PDE11A: variants seen among roughly 807,000 people sequenced by gnomAD.
PDE11A encodes the protein phosphodiesterase 11A.
In PDE11A, 100 loss-of-function variants were observed where a neutral mutation model predicts 100.5. The ratio of observed to expected loss-of-function variants is 1.00; its 90% CI spans 0.85 to 1.18. PDE11A has a LOEUF of 1.18. Ranked by LOEUF, PDE11A falls within the 50% of genes most tolerant of loss-of-function variation. The pLI is 0.00. For missense variants in PDE11A, 1,141 were observed against 1,152.6 expected (o/e 0.99, Z 0.15); for synonymous variants, 381 against 420.8 (o/e 0.91, Z 1.16).
chr2:177,712,604 G>A (rs1191062296), intron 12 of PDE11A, among the ~76,000 whole-genome samples: 1 of 152,152 alleles, frequency 6.6e-6, no homozygotes, highest in Non-Finnish European at 1.5e-5. Flanking sequence ...CTGGTGAAAT[G>A]CACAGCTGTG....
At chr2:177,738,739 A>G (rs1323413334) in intron 10 of PDE11A, among the ~76,000 whole-genome samples, 1 of 152,182 alleles carries the variant, frequency 6.6e-6, no homozygotes, top group Admixed American at 6.5e-5. Context: ...TCCTTCTTCC[A>G]TATTCCATGG....
intron 1 of PDE11A, among the ~76,000 whole-genome samples, chr2:178,053,644 C>CT (rs1197339719): frequency 1.3e-5 from 2 of 151,978 alleles, no homozygotes; most frequent in African/African-American, 4.9e-5. Context: ...TCTCCTTAAG[C>CT]TGATAAGCAA....
At chr2:178,054,175 A>T (rs889412167) in intron 1 of PDE11A, among the ~76,000 whole-genome samples, 2 of 152,206 alleles carry the variant, frequency 1.3e-5, no homozygotes, top group African/African-American at 4.8e-5. Context: ...AACAGAACAG[A>T]GCCCTCAGAA....
chr2:177,743,683 A>G (rs77704018), intron 10 of PDE11A, among the ~76,000 whole-genome samples: 3,816 of 152,328 alleles, frequency 0.025, 69 homozygotes, highest in Middle Eastern at 0.1. Context: ...TCACACCCTT[A>G]TAAGGCTTAG....
intron 15 of PDE11A, among the ~76,000 whole-genome samples, chr2:177,685,052 A>T (rs2080923109): frequency 1.3e-5 from 2 of 152,292 alleles, no homozygotes; most frequent in Admixed American, 1.3e-4. Context: ...AAATCGCTAG[A>T]ATTAAGCTTC....
intron 1 of PDE11A, among the ~76,000 whole-genome samples, chr2:178,060,587 C>T (rs1029113831): frequency 3.9e-5 from 6 of 152,128 alleles, no homozygotes; most frequent in African/African-American, 1.4e-4. Flanking sequence ...AAATATGGCA[C>T]AGCCCTTGGA....
chr2:178,010,807 C>T (rs189554892), intron 2 of PDE11A, among the ~76,000 whole-genome samples: 21 of 152,232 alleles, frequency 1.4e-4, no homozygotes, highest in Middle Eastern at 3.4e-3. Context: ...ACGTAGAATG[C>T]AAATTAGTAC....
Position 177,817,721 on chromosome 2 carries a change from T to C in PDE11A, c.1644+137A>G, listed in dbSNP as rs866564714. On this transcript the variant is annotated intron_variant, in intron 8 of 19. Transcript: ENST00000286063. ...CTCACTTAAGCATTTACATATTCCT[T>C]AAATCTTCCTGTTAATTTTGCCCTC... The C allele has an allele frequency of 1.4e-5, 9 of 634,174 alleles. No individual in the cohort carries two copies. The Middle Eastern group carries it at 1.7e-3, about 121-fold the overall frequency. 39.3% of individuals were successfully genotyped at this position (634,174 alleles called of 1,614,324 possible). A position where few individuals can be genotyped will look rare whatever the true frequency, so the allele number is the denominator to read the frequency against.
At chr2:177,875,447 G>A (rs925148476) in intron 5 of PDE11A, among the ~76,000 whole-genome samples, 21 of 151,324 alleles carry the variant, frequency 1.4e-4, no homozygotes, top group Admixed American at 1.3e-3. Flanking sequence ...GCACAATCTC[G>A]GCTCACTGCA....
chr2:177,945,838 C>T (rs1209184033), intron 2 of PDE11A, among the ~76,000 whole-genome samples: 2,797 of 89,006 alleles, frequency 0.031, no homozygotes, highest in Admixed American at 0.047. Flanking sequence ...GGGGGGTCAG[C>T]CCCCCGCCTG....
Position 177,853,660 on chromosome 2 carries a change from A to ATG in PDE11A, c.1368-13278_1368-13277insCA. 6.5e-5 allele frequency among the ~76,000 whole-genome samples: 2 copies of ATG among 30,606 alleles called. 1 individual carries two copies. Among genetic ancestry groups the ATG allele is most frequent in the East Asian group, 2.3e-3 (2 of 862 alleles). 20.1% of individuals were successfully genotyped at this position (30,606 alleles called of 152,430 possible). ...CATATATATATATATATATATATATATATATATATATATATATATATGTGT... is the reference window on the plus strand; with the variant it reads ...CATATATATATATATATATATATATATGTATATATATATATATATATATGTGT... On this transcript the variant is annotated intron_variant, in intron 5 of 19. Coordinates refer to ENST00000286063, the MANE Select transcript of PDE11A (RefSeq NM_016953.4).
chr2:177,799,491 G>A (rs182575451), intron 9 of PDE11A, among the ~76,000 whole-genome samples: 16 of 152,172 alleles, frequency 1.1e-4, no homozygotes, highest in South Asian at 8.3e-4. Context: ...GATACCTCAC[G>A]GCTGATTCTC....
At position 177,629,170 on chromosome 2, in the gene PDE11A, T is replaced by G. The variant is rs2079878384; in HGVS notation, c.*237A>C. On this transcript the variant is annotated 3_prime_UTR_variant, in exon 20 of 20. Transcript: ENST00000286063. ...GAGCCTTCATTTCAGCCCATGCGTG[T>G]TCATTAGGGAAAAGTGAGGGTCCTG... 3.6e-6 allele frequency: 2 copies of G among 554,872 alleles called. No homozygotes were observed. The highest frequency in any genetic ancestry group is 6.5e-6 in the Non-Finnish European group (2 of 308,948). The allele number at this position is 554,872 out of a possible 1,614,324, so 34.4% of individuals were successfully genotyped here.
intron 10 of PDE11A, among the ~76,000 whole-genome samples, chr2:177,740,183 A>G (rs1380854364): frequency 6.6e-6 from 1 of 152,248 alleles, no homozygotes; most frequent in Admixed American, 6.5e-5. Flanking sequence ...ATATGTTAGT[A>G]TCTGACTTAA....
In PDE11A at chr2:178,104,188, A is replaced by T. The variant is rs996581279; in HGVS notation, c.162+114T>A. 34 of 930,506 alleles carry T rather than the reference A, an allele frequency of 3.7e-5. No individual in the cohort carries two copies. In the Middle Eastern group the frequency reaches 1.3e-3, roughly 36 times the overall value. The allele number at this position is 930,506 out of a possible 1,614,324, so 57.6% of individuals were successfully genotyped here. On this transcript the variant is annotated intron_variant, in intron 2 of 20. Transcript: ENST00000358450. ...ATAAATCCATATTTCAGTAATATGT[A>T]AAGAGTGGTCCATTTTTAACGCTGC...
intron 2 of PDE11A, among the ~76,000 whole-genome samples, chr2:178,101,898 T>G (rs1017139694): frequency 4.6e-5 from 7 of 152,216 alleles, no homozygotes; most frequent in Admixed American, 3.3e-4. Flanking sequence ...ATATTAAATT[T>G]TATTCAATGT....
chr2:177,723,313 T>C (rs930226033), intron 12 of PDE11A: 17 of 152,258 alleles, frequency 1.1e-4, no homozygotes, highest in African/African-American at 3.6e-4. Context: ...AACACAAATA[T>C]GGATTTAAAC....
intron 2 of PDE11A, among the ~76,000 whole-genome samples, chr2:177,909,210 T>C (rs945560757): frequency 6.6e-6 from 1 of 152,202 alleles, no homozygotes; most frequent in Admixed American, 6.5e-5. Flanking sequence ...AACTCTGCCA[T>C]TTTAAGCCAA....
intron 2 of PDE11A, among the ~76,000 whole-genome samples, chr2:177,951,141 T>TA (rs1321975845): frequency 1.3e-5 from 2 of 151,998 alleles, no homozygotes; most frequent in Admixed American, 6.6e-5. Context: ...AAGTGTTACT[T>TA]AAAAAAAAGT....
Sources: gnomAD v4.1 joint callset for allele counts (sites outside exome capture counted in the v4.1 genomes callset) on GRCh38, gnomAD v4.1.1 for gene constraint, MANE v1.5 for transcripts, NCBI Gene and HGNC (gene_info 2026-07-23, HGNC 2026-07-21) for gene names.